The following GRIA2 variants were observed in gnomAD, a reference collection of about 807,000 sequenced individuals.
The protein encoded by GRIA2 is glutamate ionotropic receptor AMPA type subunit 2.
Under a neutral mutation model 97.3 loss-of-function variants are expected in GRIA2, and 14 were observed. The ratio of observed to expected loss-of-function variants is 0.14; its 90% CI spans 0.10 to 0.23. The LOEUF is 0.23. Ranked by LOEUF, GRIA2 falls within the 10% of genes least tolerant of loss-of-function variation. The pLI is 1.00. For synonymous variants in GRIA2, 412 were observed against 387.8 expected, an observed-to-expected ratio of 1.06 and a Z score of -0.73; for missense variants, 558 against 1,069.8, an observed-to-expected ratio of 0.52 and a Z score of 6.67.
intron 6 of GRIA2, among the ~76,000 whole-genome samples, chr4:157,326,213 A>G (rs893058163): frequency 6.6e-6 from 1 of 152,094 alleles, no homozygotes; most frequent in African/African-American, 2.4e-5. Flanking sequence ...TGCACTCCTT[A>G]GATCTCTTTC....
intron 14 of GRIA2, chr4:157,362,565 G>T: frequency 3.3e-6 from 2 of 604,214 alleles, no homozygotes; most frequent in Non-Finnish European, 6.1e-6. Context: ...ATAAATAGAA[G>T]TTTATTCCCT....
intron 9 of GRIA2, chr4:157,335,399 A>C (rs951501106): frequency 4.6e-6 from 2 of 437,572 alleles, no homozygotes; most frequent in Non-Finnish European, 8.4e-6. Context: ...ACATGGCTAG[A>C]GAACATACAA....
chr4:157,336,870 C>T, intron 11 of GRIA2, 123 bp downstream of exon 11: 1 of 798,034 alleles, frequency 1.3e-6, no homozygotes, highest in South Asian at 1.7e-5. Flanking sequence ...GTTTAAGACT[C>T]TTGAAGGACA....
chr4:157,345,595 G>A (rs967245783), intron 12 of GRIA2, among the ~76,000 whole-genome samples: 1 of 152,066 alleles, frequency 6.6e-6, no homozygotes, highest in East Asian at 1.9e-4. Flanking sequence ...CCCATATGCA[G>A]TATGTTACTA....
chr4:157,253,981 TTAAAA>T (rs1333908300), intron 2 of GRIA2, among the ~76,000 whole-genome samples: 2 of 152,050 alleles, frequency 1.3e-5, no homozygotes, highest in East Asian at 3.9e-4. Flanking sequence ...CAGAAATATT[TTAAAA>T]TAAAAGAGTA....
intron 9 of GRIA2, chr4:157,335,454 T>TA: frequency 1.8e-6 from 1 of 548,246 alleles, no homozygotes; most frequent in South Asian, 2.1e-5. Flanking sequence ...TATGCTTGCA[T>TA]ACAAGCCGTC....
chr4:157,357,856 C>G (rs1370866285), intron 12 of GRIA2, among the ~76,000 whole-genome samples: 2 of 151,984 alleles, frequency 1.3e-5, no homozygotes, highest in African/African-American at 2.4e-5. Flanking sequence ...GAGAAATATT[C>G]TTAAAACCAG....
intron 2 of GRIA2, among the ~76,000 whole-genome samples, chr4:157,284,619 G>A (rs752751207): frequency 5.9e-5 from 9 of 151,582 alleles, no homozygotes; most frequent in Non-Finnish European, 1.2e-4. Flanking sequence ...CATATTTGAT[G>A]TGTATCTTTT....
chr4:157,243,112 G>C (rs1441247912), intron 2 of GRIA2, among the ~76,000 whole-genome samples: 1 of 152,110 alleles, frequency 6.6e-6, no homozygotes, highest in African/African-American at 2.4e-5. Flanking sequence ...TTTGATCTCA[G>C]CTGGAGATGT....
intron 2 of GRIA2, among the ~76,000 whole-genome samples, chr4:157,300,414 G>C (rs1170026391): frequency 6.6e-6 from 1 of 152,028 alleles, no homozygotes; most frequent in African/African-American, 2.4e-5. Context: ...AAGTACCTTA[G>C]TTTAGGTAAG....
At chr4:157,225,774 C>T (rs1236385553) in intron 2 of GRIA2, among the ~76,000 whole-genome samples, 1 of 151,792 alleles carries the variant, frequency 6.6e-6, no homozygotes, top group Admixed American at 6.6e-5. Flanking sequence ...AGTTCTTAAA[C>T]ACAAGCGGTT....
In GRIA2 at chr4:157,221,028, C is replaced by G; in HGVS notation, c.-15C>G. Reference sequence around the variant, plus strand: ...AAAAAAGGGGTATATTGTGGATGCTCTACTTTTCTTGGAAATGCAAAAGAT... The same window carrying G: ...AAAAAAGGGGTATATTGTGGATGCTGTACTTTTCTTGGAAATGCAAAAGAT... On this transcript the variant is annotated 5_prime_UTR_variant, in exon 1 of 16. Coordinates refer to ENST00000264426, the MANE Select transcript of GRIA2 (RefSeq NM_001083619.3). 1.5e-6 allele frequency: 2 copies of G among 1,369,004 alleles called. No homozygotes were observed. The highest frequency in any genetic ancestry group is 2.1e-6 in the Non-Finnish European group (2 of 956,248). The allele number at this position is 1,369,004 out of a possible 1,614,324, so 84.8% of individuals were successfully genotyped here. A position where few individuals can be genotyped will look rare whatever the true frequency, so the allele number is the denominator to read the frequency against.
At chr4:157,228,790 C>CAAAAAAA (rs5863257) in intron 2 of GRIA2, among the ~76,000 whole-genome samples, 6 of 39,758 alleles carry the variant, frequency 1.5e-4, no homozygotes, top group African/African-American at 4.9e-4. Flanking sequence ...GATTCCATCT[C>CAAAAAAA]AAAAAAAAAA....
At chr4:157,333,491 G>GTT in intron 8 of GRIA2, 138 bp downstream of exon 8, 3 of 419,584 alleles carry the variant, frequency 7.1e-6, no homozygotes, top group South Asian at 7.1e-5. Context: ...ATATTTTGAA[G>GTT]TTTTTTTTTC....
chr4:157,254,820 T>G (rs1731170359), intron 2 of GRIA2, among the ~76,000 whole-genome samples: 1 of 152,056 alleles, frequency 6.6e-6, no homozygotes, highest in South Asian at 2.1e-4. Context: ...TTTTCAGTGG[T>G]GAAAATTTGA....
intron 2 of GRIA2, among the ~76,000 whole-genome samples, chr4:157,273,999 G>T (rs539029692): frequency 6.6e-6 from 1 of 152,020 alleles, no homozygotes; most frequent in Admixed American, 6.6e-5. Flanking sequence ...ACCTATAGAA[G>T]AGTAAATAAA....
At chr4:157,306,451 A>C (rs1027195330) in intron 3 of GRIA2, among the ~76,000 whole-genome samples, 6 of 152,194 alleles carry the variant, frequency 3.9e-5, no homozygotes, top group African/African-American at 1.4e-4. Flanking sequence ...TAAATTATAC[A>C]AGTTGATTTG....
At chr4:157,272,554 C>T (rs1732081592) in intron 2 of GRIA2, among the ~76,000 whole-genome samples, 1 of 152,050 alleles carries the variant, frequency 6.6e-6, no homozygotes, top group African/African-American at 2.4e-5. Context: ...TGCTCACTCC[C>T]TTCATCACTT....
intron 2 of GRIA2, among the ~76,000 whole-genome samples, chr4:157,232,200 A>G (rs1195044181): frequency 1.2e-4 from 18 of 152,176 alleles, no homozygotes; most frequent in Non-Finnish European, 2.5e-4. Flanking sequence ...AATTCCATAT[A>G]TTTAAGGGGC....
Sources: gnomAD v4.1 joint callset for allele counts (sites outside exome capture counted in the v4.1 genomes callset) on GRCh38, gnomAD v4.1.1 for gene constraint, MANE v1.5 for transcripts, NCBI Gene and HGNC (gene_info 2026-07-23, HGNC 2026-07-21) for gene names.